COL21A1: variants seen among roughly 807,000 people sequenced by gnomAD.
COL21A1 encodes the protein collagen type XXI alpha 1 chain.
A neutral mutation model predicts 137.9 loss-of-function variants in COL21A1; 149 were observed. The ratio of observed to expected loss-of-function variants is 1.08; its 90% CI spans 0.95 to 1.24. The LOEUF (loss-of-function observed/expected upper bound fraction) is 1.24. Ranked by LOEUF, COL21A1 falls within the 50% of genes most tolerant of loss-of-function variation. COL21A1 has a pLI of 0.00. For missense variants in COL21A1, 1,167 were observed against 1,158.4 expected, an observed-to-expected ratio of 1.01 and a Z score of -0.11; for synonymous variants, 456 against 391.5, an observed-to-expected ratio of 1.16 and a Z score of -1.95.
intron 1 of COL21A1, among the ~76,000 whole-genome samples, chr6:56,315,370 ATG>A (rs1476703026): frequency 6.6e-6 from 1 of 152,232 alleles, no homozygotes; most frequent in East Asian, 1.9e-4. Flanking sequence ...ACGGCCAAGG[ATG>A]ACAGCTACAC....
At chr6:56,219,719 G>T (rs1264284565) in intron 1 of COL21A1, among the ~76,000 whole-genome samples, 1 of 152,070 alleles carries the variant, frequency 6.6e-6, no homozygotes. Flanking sequence ...ATATCATCAG[G>T]ATACATTTCA....
chr6:56,146,124 T>C (rs1462480038), intron 10 of COL21A1, among the ~76,000 whole-genome samples: 3 of 152,160 alleles, frequency 2.0e-5, no homozygotes, highest in Non-Finnish European at 2.9e-5. Context: ...GGTAGAGATA[T>C]TAGTTTCCTT....
intron 1 of COL21A1, among the ~76,000 whole-genome samples, chr6:56,350,987 T>TA (rs1319798989): frequency 6.6e-6 from 1 of 152,280 alleles, no homozygotes; most frequent in African/African-American, 2.4e-5. Flanking sequence ...TTTAAATGGC[T>TA]ATGGTGCTGG....
intron 1 of COL21A1, among the ~76,000 whole-genome samples, chr6:56,234,374 T>C (rs1781773893): frequency 6.6e-6 from 1 of 151,640 alleles, no homozygotes; most frequent in African/African-American, 2.4e-5. Flanking sequence ...TTAAACAGGA[T>C]CAAAAAGGAA....
At chr6:56,230,188 T>C (rs143635214) in intron 1 of COL21A1, among the ~76,000 whole-genome samples, 2 of 152,122 alleles carry the variant, frequency 1.3e-5, no homozygotes, top group African/African-American at 4.8e-5. Context: ...AAGCCAGATA[T>C]ATGGAAACAT....
Position 56,170,670 on chromosome 6 carries a change from G to C in COL21A1, c.1005C>G (p.Thr335=). 1 of 1,597,692 alleles carries C rather than the reference G, an allele frequency of 6.3e-7. No homozygotes were observed. The highest frequency in any genetic ancestry group is 8.5e-7 in the Non-Finnish European group (1 of 1,170,174). ...TTACCTTAACTTGAGGGTTAGCAAAGGTAACCACTTGTGAGCCATTAATTA... is the reference window on the plus strand; with the variant it reads ...TTACCTTAACTTGAGGGTTAGCAAACGTAACCACTTGTGAGCCATTAATTA... ...TSVINGSQVV[T]FANPQVKTLF... The change falls in exon 5 of 30, where the codon ACC becomes ACG. Residue 335 remains threonine, a synonymous_variant. Transcript: ENST00000244728.
At chr6:56,253,761 A>C (rs1000715369) in intron 1 of COL21A1, among the ~76,000 whole-genome samples, 5 of 152,226 alleles carry the variant, frequency 3.3e-5, no homozygotes, top group African/African-American at 1.2e-4. Context: ...TGTATCTTAA[A>C]TTCTGTTCAA....
At chr6:56,194,728 G>A (rs950158231) in intron 1 of COL21A1, among the ~76,000 whole-genome samples, 2 of 152,204 alleles carry the variant, frequency 1.3e-5, no homozygotes, top group African/African-American at 4.8e-5. Flanking sequence ...AAATGTTAAG[G>A]TGTATAAAAA....
intron 1 of COL21A1, among the ~76,000 whole-genome samples, chr6:56,374,206 C>T (rs926306636): frequency 6.6e-6 from 1 of 152,126 alleles, no homozygotes; most frequent in African/African-American, 2.4e-5. Context: ...CATGGAAGAC[C>T]ACCTTACAAA....
chr6:56,212,008 C>T (rs1780203946), intron 1 of COL21A1, among the ~76,000 whole-genome samples: 1 of 152,076 alleles, frequency 6.6e-6, no homozygotes, highest in Non-Finnish European at 1.5e-5. Context: ...GTGGTATCAA[C>T]TCAAATTTCC....
intron 10 of COL21A1, among the ~76,000 whole-genome samples, chr6:56,151,754 G>A (rs1432064167): frequency 6.6e-6 from 1 of 152,074 alleles, no homozygotes. Flanking sequence ...AGTTTCCTTG[G>A]TCCAGATGGC....
chr6:56,148,721 A>G lies in COL21A1; in HGVS notation c.1435-6738T>C, dbSNP rs182633058. Among the ~76,000 whole-genome samples the G allele has an allele frequency of 4.1e-4, 62 of 152,242 alleles. 1 individual carries two copies. The East Asian group carries it at 8.9e-3, about 22-fold the overall frequency. ...GTTTTTTTAATTACTCACCCTCAAC[A>G]AGTGTACTCTGCAAGCCTAAGGGCT... On this transcript the variant is annotated intron_variant, in intron 10 of 29. Transcript: ENST00000244728.
intron 1 of COL21A1, among the ~76,000 whole-genome samples, chr6:56,332,421 T>C (rs552949950): frequency 4.6e-5 from 7 of 151,936 alleles, no homozygotes; most frequent in African/African-American, 1.7e-4. Context: ...TATTCAGAAG[T>C]GCGTTCAAAA....
At chr6:56,147,837 C>T (rs1317587085) in intron 10 of COL21A1, among the ~76,000 whole-genome samples, 1 of 152,122 alleles carries the variant, frequency 6.6e-6, no homozygotes, top group Admixed American at 6.6e-5. Flanking sequence ...ACTTGTTTTA[C>T]TAACCATTCA....
intron 20 of COL21A1, among the ~76,000 whole-genome samples, chr6:56,072,473 G>GTT (rs1042666344): frequency 4.0e-5 from 6 of 151,108 alleles, no homozygotes; most frequent in African/African-American, 1.5e-4. Flanking sequence ...TACTGAATAC[G>GTT]TTTTTGTCTC....
chr6:56,163,501 G>C (rs942356891), intron 9 of COL21A1, among the ~76,000 whole-genome samples: 3 of 152,120 alleles, frequency 2.0e-5, no homozygotes, highest in Non-Finnish European at 4.4e-5. Context: ...ACGAGGTCAA[G>C]AGATCGAGAC....
At chr6:56,140,715 G>A (rs781337125) in intron 12 of COL21A1, among the ~76,000 whole-genome samples, 9 of 152,114 alleles carry the variant, frequency 5.9e-5, no homozygotes, top group African/African-American at 1.2e-4. Context: ...AATGTGAAGC[G>A]GAAACTTGGA....
intron 16 of COL21A1, among the ~76,000 whole-genome samples, chr6:56,121,293 TACATAATGTA>T (rs1299180598): frequency 2.0e-5 from 3 of 151,814 alleles, no homozygotes. Flanking sequence ...CTGAAAAGGC[TACATAATGTA>T]TCATTCCAAC....
At chr6:56,072,608 C>A (rs1766856199) in intron 20 of COL21A1, among the ~76,000 whole-genome samples, 1 of 151,406 alleles carries the variant, frequency 6.6e-6, no homozygotes, top group Admixed American at 6.6e-5. Flanking sequence ...CAGCCCAATG[C>A]AAGTTCTTAA....
Sources: allele counts gnomAD v4.1 joint callset (sites outside exome capture counted in the v4.1 genomes callset), GRCh38; gene constraint gnomAD v4.1.1; transcripts MANE v1.5; gene names NCBI Gene and HGNC (gene_info 2026-07-23, HGNC 2026-07-21).